The following PCLO variants were observed in gnomAD, a reference collection of about 807,000 sequenced individuals.
PCLO encodes the protein piccolo presynaptic cytomatrix protein.
A neutral mutation model predicts 427.5 loss-of-function variants in PCLO; 82 were observed. The ratio of observed to expected loss-of-function variants is 0.19; its 90% CI spans 0.16 to 0.23. PCLO has a LOEUF of 0.23. Among genes scored for constraint, PCLO ranks in the 10% least tolerant of loss-of-function variants. The probability of loss-of-function intolerance (pLI) is 1.00; values close to 1 mark genes in which losing one functional copy is unlikely to be tolerated. For missense variants in PCLO, 6,239 were observed against 6,115.9 expected (o/e 1.02, Z -0.67); for synonymous variants, 2,357 against 2,155.4 (o/e 1.09, Z -2.59).
Position 82,916,017 on chromosome 7 carries a change from G to T in PCLO, c.11969C>A (p.Pro3990His), listed in dbSNP as rs1470345548. Residue 3990 changes from proline to histidine, a missense_variant, in exon 7 of 25, where the codon CCT (proline) becomes CAT (histidine). Coordinates refer to ENST00000333891, the MANE Select transcript of PCLO (RefSeq NM_033026.6). ...VIRNQPLMIA[P>H]VSTDNTFAVS... ...AGCAAATGTGTTATCCGTAGAAACA[G>T]GTGCTATCATAAGGGGTTGGTTGCG... 3 of 1,612,762 alleles carry T rather than the reference G, an allele frequency of 1.9e-6. No individual in the cohort carries two copies. Among genetic ancestry groups the T allele is most frequent in the Non-Finnish European group, 2.5e-6 (3 of 1,179,780 alleles).
At chr7:82,800,379 C>T (rs1440786604) in intron 22 of PCLO, among the ~76,000 whole-genome samples, 1 of 152,120 alleles carries the variant, frequency 6.6e-6, no homozygotes, top group East Asian at 1.9e-4. Flanking sequence ...AATAGTGTGA[C>T]ATTTGGTGTC....
chr7:83,072,673 C>G (rs1425090756), intron 3 of PCLO, among the ~76,000 whole-genome samples: 1 of 152,048 alleles, frequency 6.6e-6, no homozygotes, highest in African/African-American at 2.4e-5. Flanking sequence ...CGTTCAGCTA[C>G]AGCATTTTAT....
chr7:82,950,390 T>G lies in PCLO; in HGVS notation c.10198A>C (p.Thr3400Pro). Residue 3400 changes from threonine (T) to proline (P), a missense_variant, in exon 6 of 25, where the codon ACA becomes CCA. Thr to Pro is a conservative substitution (Grantham distance 38). Transcript: ENST00000333891. The stretch of plus-strand genomic sequence containing the variant: ...TTTTCCTCTTTCACAACAACATCTG[T>G]TAGAGGTATTTCTGAAACAGTGCTC... ...ILSTVSEIPL[T>P]DVVVKEEKQP... 1 of 1,613,770 alleles carries G rather than the reference T, an allele frequency of 6.2e-7. No individual in the cohort carries two copies. The highest frequency in any genetic ancestry group is 1.6e-4 in the Middle Eastern group (1 of 6,062).
intron 3 of PCLO, among the ~76,000 whole-genome samples, chr7:83,015,374 G>A: frequency 6.6e-6 from 1 of 151,582 alleles, no homozygotes; most frequent in East Asian, 1.9e-4. Flanking sequence ...CAGCCTCCTA[G>A]AGTGGGAGGG....
chr7:82,954,920 C>T lies in PCLO; in HGVS notation c.6033G>A (p.Gln2011=). 6.2e-7 allele frequency: 1 copy of T among 1,613,670 alleles called. No homozygotes were observed. The highest frequency in any genetic ancestry group is 8.5e-7 in the Non-Finnish European group (1 of 1,179,810). Residue 2011 remains glutamine, a synonymous_variant, in exon 5 of 25, where the codon CAG becomes CAA. Coordinates refer to ENST00000333891, the MANE Select transcript of PCLO (RefSeq NM_033026.6). Reference sequence around the variant, plus strand: ...AGCTTTCTAACTCATAAAACTCTTTCTGGAGGTCTGTAATTTTCTGCATAG... The same window carrying T: ...AGCTTTCTAACTCATAAAACTCTTTTTGGAGGTCTGTAATTTTCTGCATAG... ...EDPMQKITDL[Q]KEFYELESLH...
intron 3 of PCLO, among the ~76,000 whole-genome samples, chr7:83,105,704 T>C (rs1790837069): frequency 6.6e-6 from 1 of 152,166 alleles, no homozygotes; most frequent in Admixed American, 6.6e-5. Context: ...AAGTACTAAA[T>C]AAAATGAACT....
rs184960049 is a variant in PCLO at position 82,765,095 on chromosome 7, C to T, written c.15008-3602G>A. On this transcript the variant is annotated intron_variant, in intron 22 of 24. Coordinates refer to ENST00000333891, the MANE Select transcript of PCLO (RefSeq NM_033026.6). ...AATTATGTGATAATACACTCAATGG[C>T]TTTCAACTAACCAACTTTTGGGTGA... is the stretch of plus-strand genomic sequence containing the variant. Among the ~76,000 whole-genome samples, 29 of 151,788 alleles carry T rather than the reference C, an allele frequency of 1.9e-4. 1 individual carries two copies. In the East Asian group the frequency reaches 5.4e-3, roughly 28 times the overall value.
chr7:82,901,239 T>A (rs2116185374), intron 9 of PCLO, among the ~76,000 whole-genome samples: 1 of 152,032 alleles, frequency 6.6e-6, no homozygotes, highest in African/African-American at 2.4e-5. Flanking sequence ...CCTACTTATT[T>A]TTTTACATTT....
At position 83,139,571 on chromosome 7, in the gene PCLO, ATAGT is replaced by A. The variant is rs576422710; in HGVS notation, c.1894-3919_1894-3916del. Reference sequence around the variant, plus strand: ...CATGGATATATCTCTACCTAAGCAGATAGTTAGGAGAGTTAGTAAAAATGAGGTG... The same window carrying A: ...CATGGATATATCTCTACCTAAGCAGATAGGAGAGTTAGTAAAAATGAGGTG... On this transcript the variant is annotated intron_variant, in intron 2 of 24. Coordinates refer to ENST00000333891, the MANE Select transcript of PCLO (RefSeq NM_033026.6). Among the ~76,000 whole-genome samples the A allele has an allele frequency of 9.2e-5, 14 of 152,330 alleles. No individual in the cohort carries two copies. The East Asian group carries it at 2.3e-3, about 25-fold the overall frequency.
chr7:82,825,973 T>G (rs1203297323), intron 18 of PCLO, among the ~76,000 whole-genome samples: 1 of 149,512 alleles, frequency 6.7e-6, no homozygotes, highest in African/African-American at 2.4e-5. Flanking sequence ...AGATTAAAAA[T>G]CACAAGATCT....
At chr7:82,810,383 C>T (rs1298084150) in intron 20 of PCLO, among the ~76,000 whole-genome samples, 4 of 151,562 alleles carry the variant, frequency 2.6e-5, no homozygotes, top group East Asian at 1.9e-4. Context: ...TAATAAGATA[C>T]ATCTTTGGGG....
At position 82,952,467 on chromosome 7, in the gene PCLO, G is replaced by A. The variant is rs1325099708; in HGVS notation, c.8486C>T (p.Ser2829Leu). ...AMTTPLQLTTSKHAEPPYRIP... is the reference protein window; with the variant it reads ...AMTTPLQLTTLKHAEPPYRIP... Reference sequence around the variant, plus strand: ...CCTGTATGGGGGCTCAGCATGCTTTGATGTTGTAAGTTGGAGTGGTGTTGT... The same window carrying A: ...CCTGTATGGGGGCTCAGCATGCTTTAATGTTGTAAGTTGGAGTGGTGTTGT... The change falls in exon 5 of 25, where the codon TCA becomes TTA. Residue 2829 changes from serine (S) to leucine (L), a missense_variant. Ser to Leu is a moderately radical substitution (Grantham distance 145). Coordinates refer to ENST00000333891, the MANE Select transcript of PCLO (RefSeq NM_033026.6). The A allele has an allele frequency of 6.2e-7, 1 of 1,613,936 alleles. No homozygotes were observed. The highest frequency in any genetic ancestry group is 8.5e-7 in the Non-Finnish European group (1 of 1,179,840).
intron 22 of PCLO, among the ~76,000 whole-genome samples, chr7:82,765,965 C>T (rs140678596): frequency 5.8e-4 from 88 of 152,062 alleles, no homozygotes; most frequent in African/African-American, 1.8e-3. Flanking sequence ...TTATAGTCTC[C>T]GGACAGAAAA....
At chr7:82,984,105 C>T (rs1280848880) in intron 3 of PCLO, among the ~76,000 whole-genome samples, 4 of 151,874 alleles carry the variant, frequency 2.6e-5, no homozygotes, top group Non-Finnish European at 5.9e-5. Context: ...TAATATCTAA[C>T]TATGGTTATA....
chr7:82,860,668 T>C (rs535645200), intron 10 of PCLO, among the ~76,000 whole-genome samples: 1 of 152,182 alleles, frequency 6.6e-6, no homozygotes, highest in South Asian at 2.1e-4. Context: ...CATATTATTA[T>C]AACGCTGTAA....
At chr7:82,809,516 T>C (rs1791523404) in intron 20 of PCLO, among the ~76,000 whole-genome samples, 2 of 151,776 alleles carry the variant, frequency 1.3e-5, no homozygotes, top group East Asian at 1.9e-4. Flanking sequence ...TCTGTCGTTA[T>C]TGGAAGCAAA....
At chr7:83,128,243 A>G (rs1562978426) in intron 3 of PCLO, among the ~76,000 whole-genome samples, 1 of 152,108 alleles carries the variant, frequency 6.6e-6, no homozygotes, top group Non-Finnish European at 1.5e-5. Context: ...TGTGCAAAAG[A>G]TAAGGTGGGA....
chr7:83,068,552 G>A (rs1344451148), intron 3 of PCLO, among the ~76,000 whole-genome samples: 3 of 152,018 alleles, frequency 2.0e-5, no homozygotes, highest in African/African-American at 7.2e-5. Flanking sequence ...CTAATCATCA[G>A]GAAAATGCAA....
chr7:82,809,646 C>G (rs1482754359), intron 20 of PCLO, among the ~76,000 whole-genome samples: 1 of 150,792 alleles, frequency 6.6e-6, no homozygotes, highest in Non-Finnish European at 1.5e-5. Flanking sequence ...TTTAACCAAT[C>G]AAAACATCTG....
Sources: gnomAD v4.1 joint callset for allele counts (sites outside exome capture counted in the v4.1 genomes callset) on GRCh38, gnomAD v4.1.1 for gene constraint, MANE v1.5 for transcripts, NCBI Gene and HGNC (gene_info 2026-07-23, HGNC 2026-07-21) for gene names.